The following COL6A6 variants were observed in gnomAD, a reference collection of about 807,000 sequenced individuals.
The protein encoded by COL6A6 is collagen alpha-6(VI) chain.
In COL6A6, 183 loss-of-function variants were observed where a neutral mutation model predicts 208.6. That is an observed-to-expected ratio of 0.88 (90% CI 0.78 to 0.99). COL6A6 has a LOEUF of 0.99. Among genes scored for constraint, COL6A6 ranks in the 50% least tolerant of loss-of-function variants. The pLI is 0.00. For synonymous variants in COL6A6, 973 were observed against 1,011.8 expected, an observed-to-expected ratio of 0.96 and a Z score of 0.73; for missense variants, 2,816 against 2,815.2, an observed-to-expected ratio of 1.00 and a Z score of -0.01.
At chr3:130,655,523 C>T (rs1355686756) in intron 33 of COL6A6, among the ~76,000 whole-genome samples, 1 of 152,116 alleles carries the variant, frequency 6.6e-6, no homozygotes, top group Non-Finnish European at 1.5e-5. Flanking sequence ...GTTCATGGAG[C>T]TTGAATCAAA....
intron 10 of COL6A6, among the ~76,000 whole-genome samples, chr3:130,582,336 T>A (rs1470141071): frequency 6.6e-6 from 1 of 152,184 alleles, no homozygotes; most frequent in Non-Finnish European, 1.5e-5. Flanking sequence ...TCCTGACCTT[T>A]CCTGGAGAAT....
intron 3 of COL6A6, among the ~76,000 whole-genome samples, 159 bp from the exon 4 acceptor site, chr3:130,564,835 G>A (rs2062977164): frequency 6.6e-6 from 1 of 152,162 alleles, no homozygotes; most frequent in Non-Finnish European, 1.5e-5. Flanking sequence ...TGTAGTATTT[G>A]AACTCAGGTC....
Position 130,571,021 on chromosome 3 carries a change from A to G in COL6A6, c.2605A>G (p.Lys869Glu). The G allele has an allele frequency of 6.2e-7, 1 of 1,613,956 alleles. No individual in the cohort carries two copies. Among genetic ancestry groups the G allele is most frequent in the East Asian group, 2.2e-5 (1 of 44,876 alleles). ...VLFYLDDFGT[K>E]LEVISVLQND... is the part of the protein sequence containing the mutation. ...GTTTTATCTGGATGACTTTGGCACA[A>G]AACTGGAGGTAATTTCAGTGCTCCA... The change falls in exon 7 of 37, where the codon AAA becomes GAA. Residue 869 changes from lysine to glutamate, a missense_variant. Coordinates refer to ENST00000358511, the MANE Select transcript of COL6A6 (RefSeq NM_001102608.3).
chr3:130,615,559 A>T (rs2064491644), intron 23 of COL6A6, among the ~76,000 whole-genome samples: 2 of 152,192 alleles, frequency 1.3e-5, no homozygotes, highest in Non-Finnish European at 2.9e-5. Context: ...ATTGCTTGTG[A>T]AGATATTTGT....
chr3:130,586,039 C>T, intron 10 of COL6A6, among the ~76,000 whole-genome samples: 1 of 152,246 alleles, frequency 6.6e-6, no homozygotes. Context: ...ACTGCAGGCT[C>T]AACCTCCCAG....
intron 1 of COL6A6, among the ~76,000 whole-genome samples, chr3:130,534,411 C>T (rs982369455): frequency 1.3e-5 from 2 of 152,070 alleles, no homozygotes; most frequent in African/African-American, 4.8e-5. Context: ...CTTATAGTAG[C>T]TTATTTCTTA....
chr3:130,611,169 C>T (rs1399126339), intron 23 of COL6A6, among the ~76,000 whole-genome samples: 4 of 152,078 alleles, frequency 2.6e-5, no homozygotes, highest in Admixed American at 6.5e-5. Context: ...TAACTTCTCC[C>T]TAGGAGATCT....
In COL6A6 at chr3:130,571,321, G is replaced by C. The variant is rs530717316; in HGVS notation, c.2905G>C (p.Val969Leu). 1 of 1,613,434 alleles carries C rather than the reference G, an allele frequency of 6.2e-7. No homozygotes were observed. Among genetic ancestry groups the C allele is most frequent in the South Asian group, 1.1e-5 (1 of 90,958 alleles). The change falls in exon 7 of 37, where the codon GTG becomes CTG. Residue 969 changes from valine (V) to leucine (L), a missense_variant. Val to Leu is a conservative substitution (Grantham distance 32). Transcript: ENST00000358511. ...MAGSSDKYFF[V>L]ETFGGLKGIF... ...AGGATCAAGCGACAAGTACTTCTTCGTGGAGACTTTTGGAGGTCTGAAGGG... is the reference window on the plus strand; with the variant it reads ...AGGATCAAGCGACAAGTACTTCTTCCTGGAGACTTTTGGAGGTCTGAAGGG...
chr3:130,534,381 ATAGAT>A (rs1308646098), intron 1 of COL6A6, among the ~76,000 whole-genome samples: 1 of 152,164 alleles, frequency 6.6e-6, no homozygotes, highest in Non-Finnish European at 1.5e-5. Context: ...ATATTGATTC[ATAGAT>A]TAAATATATT....
intron 8 of COL6A6, among the ~76,000 whole-genome samples, chr3:130,575,734 A>G (rs1167905032): frequency 1.3e-5 from 2 of 152,164 alleles, no homozygotes; most frequent in Non-Finnish European, 1.5e-5. Flanking sequence ...AGGGTACAGG[A>G]AAGTTTTTAA....
At chr3:130,639,961 A>G (rs1236103682) in intron 28 of COL6A6, among the ~76,000 whole-genome samples, 1 of 152,152 alleles carries the variant, frequency 6.6e-6, no homozygotes, top group African/African-American at 2.4e-5. Flanking sequence ...TTTACTGTAC[A>G]TACCCTCATT....
chr3:130,638,605 C>T (rs1041435899), intron 28 of COL6A6, among the ~76,000 whole-genome samples: 3 of 152,288 alleles, frequency 2.0e-5, no homozygotes, highest in East Asian at 1.9e-4. Flanking sequence ...CATCCAGTAG[C>T]CTGCTAAGAA....
Position 130,594,320 on chromosome 3 carries a change from G to A in COL6A6, c.4510G>A (p.Ala1504Thr). The A allele has an allele frequency of 6.2e-7, 1 of 1,613,484 alleles. No individual in the cohort carries two copies. ...GKRGTPGDRG[A>T]KGLRGDPGAP... ...GAGAGGGACTCCTGGTGACCGTGGA[G>A]CAAAGGGCCTGCGAGGGGATCCCGT... The change falls in exon 18 of 37, where the codon GCA (alanine) becomes ACA (threonine). Residue 1504 changes from alanine (A) to threonine (T), a missense_variant. Ala to Thr is a moderately conservative substitution (Grantham distance 58). Coordinates refer to ENST00000358511, the MANE Select transcript of COL6A6 (RefSeq NM_001102608.3).
At chr3:130,656,751 C>T (rs756106685) in intron 33 of COL6A6, among the ~76,000 whole-genome samples, 1 of 152,200 alleles carries the variant, frequency 6.6e-6, no homozygotes, top group Non-Finnish European at 1.5e-5. Context: ...CCAAGCTGCC[C>T]TGAGAACCCC....
rs1433180949 is a variant in COL6A6, at chr3:130,563,587, T to C, written c.584T>C (p.Phe195Ser). The C allele has an allele frequency of 6.2e-7, 1 of 1,613,884 alleles. No homozygotes were observed. The highest frequency in any genetic ancestry group is 8.5e-7 in the Non-Finnish European group (1 of 1,179,902). The part of the protein sequence containing the change: ...NLRTVRDLSM[F>S]SQNMTHIIKD... ...CGGACAGTCAGAGACCTCAGCATGT[T>C]TTCCCAAAACATGACACACATCATC... The change falls in exon 3 of 37, where the codon TTT becomes TCT. Residue 195 changes from phenylalanine (F) to serine (S), a missense_variant. Transcript: ENST00000358511.
intron 1 of COL6A6, among the ~76,000 whole-genome samples, chr3:130,524,637 A>T (rs1413211060): frequency 6.6e-6 from 1 of 152,284 alleles, no homozygotes. Flanking sequence ...AGCATGAAGG[A>T]CTTTATTTAT....
Position 130,642,851 on chromosome 3 carries a change from G to T in COL6A6, c.5174G>T (p.Gly1725Val), listed in dbSNP as rs2065357647. 2 of 1,613,840 alleles carry T rather than the reference G, an allele frequency of 1.2e-6. No homozygotes were observed. Reference protein sequence around the residue: ...PGRKGVKGAKGLASFSTCELI... With the variant: ...PGRKGVKGAKVLASFSTCELI... The stretch of plus-strand genomic sequence containing the variant: ...TCCTAGGGTGTGAAAGGAGCCAAAG[G>T]CTTGGCTTCATTTTCTGTACGTATC... Residue 1725 changes from glycine to valine, a missense_variant, in exon 30 of 37, where the codon GGC (glycine) becomes GTC (valine). By Grantham distance (109) the Gly-to-Val change is moderately radical. Transcript: ENST00000358511.
At chr3:130,621,907 C>T (rs375266906) in intron 24 of COL6A6, 24 bp downstream of exon 24, 27 of 1,599,078 alleles carry the variant, frequency 1.7e-5, no homozygotes, top group African/African-American at 4.0e-5. Flanking sequence ...TTTATACTCA[C>T]CAAAGTTGAG....
intron 1 of COL6A6, among the ~76,000 whole-genome samples, chr3:130,546,008 G>A (rs1559971427): frequency 6.6e-6 from 1 of 151,998 alleles, no homozygotes; most frequent in Non-Finnish European, 1.5e-5. Context: ...GGAGATTCCA[G>A]GGTTTTTTGG....
Sources: allele counts gnomAD v4.1 joint callset (sites outside exome capture counted in the v4.1 genomes callset), GRCh38; gene constraint gnomAD v4.1.1; transcripts MANE v1.5; gene names NCBI Gene and HGNC (gene_info 2026-07-23, HGNC 2026-07-21).